The following CPLX4 variants were observed in gnomAD, a reference collection of about 807,000 sequenced individuals.
CPLX4 encodes the protein complexin-4.
CPLX4 carries 17 observed loss-of-function variants against 16.1 expected under a neutral mutation model. The ratio of observed to expected loss-of-function variants is 1.06; its 90% confidence interval spans 0.72 to 1.59. CPLX4 has a LOEUF of 1.59. Among genes scored for constraint, CPLX4 ranks in the 40% most tolerant of loss-of-function variants. The pLI, the probability that CPLX4 is intolerant of heterozygous loss-of-function variation, is 0.00. For synonymous variants in CPLX4, 55 were observed against 57.8 expected, an observed-to-expected ratio of 0.95 and a Z score of 0.22; for missense variants, 193 against 192.9, an observed-to-expected ratio of 1.00 and a Z score of 0.00.
chr18:59,300,862 T>C (rs1373200357), intron 2 of CPLX4, among the ~76,000 whole-genome samples: 2 of 152,168 alleles, frequency 1.3e-5, no homozygotes, highest in Non-Finnish European at 2.9e-5. Flanking sequence ...AGGCTTGGTT[T>C]TTCTAACAAG....
At chr18:59,310,134 G>T (rs1041827650) in intron 2 of CPLX4, among the ~76,000 whole-genome samples, 1 of 152,118 alleles carries the variant, frequency 6.6e-6, no homozygotes, top group African/African-American at 2.4e-5. Context: ...TGAAACAGCT[G>T]TAGAAAAGGG....
intron 2 of CPLX4, among the ~76,000 whole-genome samples, chr18:59,302,251 T>C (rs1255750585): frequency 6.6e-6 from 1 of 152,200 alleles, no homozygotes; most frequent in African/African-American, 2.4e-5. Flanking sequence ...AAATCTTGGG[T>C]TGGGGAGACC....
intron 2 of CPLX4, among the ~76,000 whole-genome samples, chr18:59,308,212 G>A (rs908392048): frequency 4.6e-5 from 7 of 152,124 alleles, no homozygotes; most frequent in Non-Finnish European, 7.4e-5. Flanking sequence ...TTCAGTATTA[G>A]AATAAAAAGC....
At chr18:59,311,115 A>G (rs2070614381) in intron 2 of CPLX4, among the ~76,000 whole-genome samples, 1 of 152,122 alleles carries the variant, frequency 6.6e-6, no homozygotes, top group Non-Finnish European at 1.5e-5. Context: ...GCGAGACCAC[A>G]TTGCTAAAGT....
intron 2 of CPLX4, among the ~76,000 whole-genome samples, chr18:59,301,878 G>T (rs1388489190): frequency 1.3e-5 from 2 of 152,226 alleles, no homozygotes; most frequent in Non-Finnish European, 2.9e-5. Flanking sequence ...GCCACTTAGA[G>T]GACTGTTGAG....
At position 59,318,497 on chromosome 18, in the gene CPLX4, G is replaced by A. The variant is rs12955045; in HGVS notation, c.-35C>T. 0.074 allele frequency: 114,335 copies of A among 1,551,096 alleles called. 4,519 individuals are homozygous for A. Among genetic ancestry groups the A allele is most frequent in the Middle Eastern group, 0.12 (698 of 5,716 alleles). On this transcript the variant is annotated 5_prime_UTR_variant, in exon 1 of 3. Transcript: ENST00000299721. ...CCCAGAAAAATAAAACCAAAATTCA[G>A]ACAAAAGCTGAAAAAAAAAATCCAA...
intron 2 of CPLX4, among the ~76,000 whole-genome samples, chr18:59,300,942 G>A (rs2070536499): frequency 2.6e-5 from 4 of 152,192 alleles, no homozygotes; most frequent in Admixed American, 2.6e-4. Context: ...GCCAGCCCTA[G>A]CTCCCCTTAC....
intron 2 of CPLX4, among the ~76,000 whole-genome samples, chr18:59,305,466 G>A (rs1487863763): frequency 6.6e-6 from 1 of 152,190 alleles, no homozygotes; most frequent in African/African-American, 2.4e-5. Flanking sequence ...AAAAGCTATG[G>A]TGAATTGAGA....
intron 2 of CPLX4, among the ~76,000 whole-genome samples, chr18:59,308,861 C>T (rs894960129): frequency 6.6e-6 from 1 of 152,190 alleles, no homozygotes; most frequent in Non-Finnish European, 1.5e-5. Context: ...CCCAGAGCCT[C>T]GTCAGTGCGG....
At position 59,296,866 on chromosome 18, in the gene CPLX4, A is replaced by C; in HGVS notation, c.315T>G (p.Asp105Glu). 6.2e-7 allele frequency: 1 copy of C among 1,613,614 alleles called. No homozygotes were observed. Among genetic ancestry groups the C allele is most frequent in the Non-Finnish European group, 8.5e-7 (1 of 1,179,964 alleles). ...MAGDDVDLPE[D>E]LRKMVDEDQE... ...GATCTTCATCTACCATTTTCCGGAG[A>C]TCTTCAGGTAAATCCACATCATCTC... The change falls in exon 3 of 3, where the codon GAT (aspartate) becomes GAG (glutamate). Residue 105 changes from aspartate to glutamate, a missense_variant. Physicochemically the swap from Asp to Glu is conservative, Grantham distance 45. Transcript: ENST00000299721.
At position 59,302,403 on chromosome 18, in the gene CPLX4, A is replaced by G. The variant is rs147654425; in HGVS notation, c.256-5478T>C. On this transcript the variant is annotated intron_variant, in intron 2 of 2. Transcript: ENST00000299721. ...GCTCCAGGGAGGGAGGGAAGGCTCAAGGATGAGAACCGTGGCGTGAATGAA... is the reference window on the plus strand; with the variant it reads ...GCTCCAGGGAGGGAGGGAAGGCTCAGGGATGAGAACCGTGGCGTGAATGAA... Among the ~76,000 whole-genome samples the G allele has an allele frequency of 8.5e-5, 13 of 152,358 alleles. No homozygotes were observed. In the East Asian group the frequency reaches 2.3e-3, roughly 27 times the overall value.
chr18:59,297,077 G>C, intron 2 of CPLX4, 152 bp from the exon 3 acceptor site: 5 of 1,282,704 alleles, frequency 3.9e-6, no homozygotes, highest in Non-Finnish European at 5.2e-6. Flanking sequence ...CCTGATGGCA[G>C]TTGTGGGGGC....
intron 2 of CPLX4, among the ~76,000 whole-genome samples, chr18:59,302,819 T>C (rs2070551037): frequency 6.6e-6 from 1 of 152,252 alleles, no homozygotes; most frequent in Non-Finnish European, 1.5e-5. Flanking sequence ...TTATCTTAGA[T>C]GGTTATGTCT....
rs951325671 is a variant in CPLX4 at position 59,295,898 on chromosome 18, T to C, written c.*800A>G. 1 of 152,136 alleles carries C rather than the reference T, an allele frequency of 6.6e-6. No homozygotes were observed. The highest frequency in any genetic ancestry group is 1.5e-5 in the Non-Finnish European group (1 of 68,030). 9.4% of individuals were successfully genotyped at this position (152,136 alleles called of 1,614,324 possible). On this transcript the variant is annotated 3_prime_UTR_variant, in exon 3 of 3. Coordinates refer to ENST00000299721, the MANE Select transcript of CPLX4 (RefSeq NM_181654.4). ...TTAACTTCTTAATGCTCTCTGTTAGTCTACCCACTTTGTTCCCATTGCTAT... is the reference window on the plus strand; with the variant it reads ...TTAACTTCTTAATGCTCTCTGTTAGCCTACCCACTTTGTTCCCATTGCTAT...
At chr18:59,298,027 TG>T (rs2070513692) in intron 2 of CPLX4, among the ~76,000 whole-genome samples, 1 of 152,204 alleles carries the variant, frequency 6.6e-6, no homozygotes, top group African/African-American at 2.4e-5. Context: ...CATTTCATTT[TG>T]TGATTTTAGG....
intron 2 of CPLX4, among the ~76,000 whole-genome samples, chr18:59,301,703 T>C (rs537181903): frequency 6.6e-6 from 1 of 152,346 alleles, no homozygotes; most frequent in African/African-American, 2.4e-5. Context: ...GTATCTCCTT[T>C]GTAAAAAGTT....
chr18:59,315,073 A>G (rs903792579), intron 1 of CPLX4, among the ~76,000 whole-genome samples: 6 of 152,316 alleles, frequency 3.9e-5, no homozygotes, highest in African/African-American at 1.2e-4. Flanking sequence ...ACTGGGATGC[A>G]TTTAGTTTTA....
intron 2 of CPLX4, among the ~76,000 whole-genome samples, chr18:59,305,191 A>G (rs879770761): frequency 3.3e-5 from 5 of 152,102 alleles, no homozygotes; most frequent in Non-Finnish European, 7.4e-5. Flanking sequence ...GGCACTGACC[A>G]GAGTCTTACA....
intron 2 of CPLX4, among the ~76,000 whole-genome samples, chr18:59,300,226 G>T (rs1165852780): frequency 6.6e-6 from 1 of 152,138 alleles, no homozygotes; most frequent in Non-Finnish European, 1.5e-5. Flanking sequence ...CCAGCTACTA[G>T]GGAGGCTGAG....
Sources: gnomAD v4.1 joint callset for allele counts (sites outside exome capture counted in the v4.1 genomes callset) on GRCh38, gnomAD v4.1.1 for gene constraint, MANE v1.5 for transcripts, NCBI Gene and HGNC (gene_info 2026-07-23, HGNC 2026-07-21) for gene names.